Variants in ARHGEF4 observed in about 807,000 individuals in gnomAD.
The protein encoded by ARHGEF4 is Rho guanine nucleotide exchange factor 4.
In ARHGEF4, 119 loss-of-function variants were observed where a neutral mutation model predicts 162.0. The observed-to-expected ratio is 0.73, with a 90% CI of 0.63 to 0.86. The LOEUF is 0.86. Among genes scored for constraint, ARHGEF4 ranks in the 40% least tolerant of loss-of-function variants. ARHGEF4 has a pLI of 0.00. For missense variants in ARHGEF4, 2,488 were observed against 2,456.0 expected, an observed-to-expected ratio of 1.01 and a Z score of -0.28; for synonymous variants, 1,014 against 979.9, an observed-to-expected ratio of 1.03 and a Z score of -0.65.
At chr2:131,041,112 C>G in intron 8 of ARHGEF4, 118 bp from the exon 9 acceptor site, 1 of 938,230 alleles carries the variant, frequency 1.1e-6, no homozygotes, top group Non-Finnish European at 1.6e-6. Flanking sequence ...TGGGTCTCCC[C>G]TAGCCCCCAG....
At chr2:131,037,162 T>C (rs776282915) in intron 5 of ARHGEF4, among the ~76,000 whole-genome samples, 13 of 152,216 alleles carry the variant, frequency 8.5e-5, no homozygotes, top group Non-Finnish European at 1.6e-4. Flanking sequence ...GCTGCCGCGC[T>C]GTGAGGGTTC....
chr2:131,013,483 C>T (rs1231519259), intron 4 of ARHGEF4, among the ~76,000 whole-genome samples: 1 of 152,220 alleles, frequency 6.6e-6, no homozygotes, highest in Admixed American at 6.5e-5. Flanking sequence ...CCCCTGTAAG[C>T]TCAAACGTTA....
intron 3 of ARHGEF4, among the ~76,000 whole-genome samples, chr2:130,931,725 T>C (rs1682646113): frequency 6.6e-6 from 1 of 152,248 alleles, no homozygotes; most frequent in African/African-American, 2.4e-5. Context: ...TTTGACAACA[T>C]GATTTTTTGC....
intron 4 of ARHGEF4, among the ~76,000 whole-genome samples, chr2:131,027,244 A>G (rs1486359539): frequency 3.3e-5 from 5 of 152,244 alleles, no homozygotes; most frequent in African/African-American, 9.6e-5. Flanking sequence ...AATCACAGCT[A>G]CACACACAGT....
intron 1 of ARHGEF4, among the ~76,000 whole-genome samples, chr2:130,885,545 C>A (rs1679462169): frequency 6.7e-6 from 1 of 149,042 alleles, no homozygotes; most frequent in Admixed American, 6.7e-5. Context: ...CAAACCATAG[C>A]ACTCTCTTTT....
rs114057432 is a variant in ARHGEF4 at position 131,046,577 on chromosome 2, G to C, written c.*388G>C. 5.8e-6 allele frequency: 1 copy of C among 171,724 alleles called. No homozygotes were observed. Among genetic ancestry groups the C allele is most frequent in the East Asian group, 1.7e-4 (1 of 6,032 alleles). 10.6% of individuals were successfully genotyped at this position (171,724 alleles called of 1,614,324 possible). On this transcript the variant is annotated 3_prime_UTR_variant, in exon 14 of 14. Coordinates refer to ENST00000409359, the MANE Select transcript of ARHGEF4 (RefSeq NM_001367493.1). ...ACCTAATCCTCCTTTCATTTCCTCT[G>C]GGCAGGACTCTCTGGCCTTCTGTGG... is the stretch of plus-strand genomic sequence containing the variant.
At chr2:130,964,460 C>G (rs758841246) in intron 4 of ARHGEF4, among the ~76,000 whole-genome samples, 3 of 152,232 alleles carry the variant, frequency 2.0e-5, no homozygotes, top group Non-Finnish European at 4.4e-5. Context: ...TCTCTCTGAT[C>G]CACGTCTACC....
chr2:130,915,386 A>T lies in ARHGEF4; in HGVS notation c.1440A>T (p.Pro480=). ...AACCCCAAGGCACCCAACTCGCACCAAGAGCTGCTGATGAGAGAGAGACAC... is the reference window on the plus strand; with the variant it reads ...AACCCCAAGGCACCCAACTCGCACCTAGAGCTGCTGATGAGAGAGAGACAC... ...TQEPQGTQLA[P]RAADERETQK... Residue 480 remains proline, a synonymous_variant, in exon 2 of 14, where the codon CCA becomes CCT. Coordinates refer to ENST00000409359, the MANE Select transcript of ARHGEF4 (RefSeq NM_001367493.1). 6.4e-7 allele frequency: 1 copy of T among 1,550,652 alleles called. No homozygotes were observed. The highest frequency in any genetic ancestry group is 8.7e-7 in the Non-Finnish European group (1 of 1,147,004).
chr2:130,927,601 G>A (rs1002736187), intron 2 of ARHGEF4, among the ~76,000 whole-genome samples: 8 of 152,212 alleles, frequency 5.3e-5, no homozygotes, highest in Admixed American at 3.9e-4. Context: ...CCTTTAGCTA[G>A]AGAATGCAGA....
At chr2:131,026,924 G>C (rs1689514145) in intron 4 of ARHGEF4, among the ~76,000 whole-genome samples, 1 of 152,228 alleles carries the variant, frequency 6.6e-6, no homozygotes, top group Non-Finnish European at 1.5e-5. Flanking sequence ...TAGCTATTAT[G>C]ATGGTTTATG....
At chr2:130,948,386 G>A (rs1187327471) in intron 4 of ARHGEF4, among the ~76,000 whole-genome samples, 1 of 152,224 alleles carries the variant, frequency 6.6e-6, no homozygotes, top group African/African-American at 2.4e-5. Context: ...GACAAGTGTT[G>A]AAGAAACTTT....
chr2:131,031,538 G>A (rs1378312486), intron 5 of ARHGEF4, among the ~76,000 whole-genome samples: 1 of 152,242 alleles, frequency 6.6e-6, no homozygotes, highest in East Asian at 1.9e-4. Flanking sequence ...CACAGGCCGT[G>A]TCTGTGTGGG....
At chr2:131,027,870 C>T in intron 4 of ARHGEF4, 75 bp from the exon 5 acceptor site, 7 of 1,568,160 alleles carry the variant, frequency 4.5e-6, no homozygotes, top group Non-Finnish European at 5.2e-6. Context: ...ACCCACTGGG[C>T]TCCTTCTCCA....
chr2:130,909,519 AG>A (rs1314963794), intron 1 of ARHGEF4, among the ~76,000 whole-genome samples: 1 of 152,182 alleles, frequency 6.6e-6, no homozygotes, highest in East Asian at 1.9e-4. Context: ...GGGAGGAGTG[AG>A]GAGAGGCAGA....
rs75295415 is a variant in ARHGEF4 at position 130,873,140 on chromosome 2, G to C, written c.39+36148G>C. On this transcript the variant is annotated intron_variant, in intron 1 of 13. Coordinates refer to ENST00000409359, the MANE Select transcript of ARHGEF4 (RefSeq NM_001367493.1). ...CCGGATTCAAACCCTCCACTCCCTA[G>C]CTGGTGTGACTGGGAAAAGCCACTT... 3.9e-5 allele frequency among the ~76,000 whole-genome samples: 6 copies of C among 152,334 alleles called. No individual in the cohort carries two copies. The East Asian group carries it at 1.2e-3, about 29-fold the overall frequency.
chr2:131,037,168 G>C (rs965943586), intron 5 of ARHGEF4, among the ~76,000 whole-genome samples: 8 of 152,220 alleles, frequency 5.3e-5, no homozygotes, highest in African/African-American at 1.9e-4. Flanking sequence ...GCGCTGTGAG[G>C]GTTCCTGGGC....
chr2:130,941,210 A>ATT (rs70994724), intron 3 of ARHGEF4, among the ~76,000 whole-genome samples: 57,476 of 145,196 alleles, frequency 0.4, 14,185 homozygotes, highest in African/African-American at 0.71. Context: ...TCCATTTATA[A>ATT]TTTTTTTTTT....
In ARHGEF4 at chr2:130,911,828, G is replaced by A. The variant is rs148841145; in HGVS notation, c.40-2158G>A. The stretch of plus-strand genomic sequence containing the variant: ...AGGTAGTGCCCTGGGCAGCGATGCT[G>A]GGCAGGGAGGGCAGAAACGAGCCCA... On this transcript the variant is annotated intron_variant, in intron 1 of 13. Coordinates refer to ENST00000409359, the MANE Select transcript of ARHGEF4 (RefSeq NM_001367493.1). Among the ~76,000 whole-genome samples the A allele has an allele frequency of 3.0e-4, 45 of 152,364 alleles. 2 individuals are homozygous for A. In the East Asian group the frequency reaches 8.5e-3, roughly 29 times the overall value.
chr2:130,960,119 C>A (rs941014513), intron 4 of ARHGEF4, among the ~76,000 whole-genome samples: 3 of 152,034 alleles, frequency 2.0e-5, no homozygotes, highest in African/African-American at 7.3e-5. Flanking sequence ...TTACAGATTG[C>A]ATATACAATG....
Sources: gnomAD v4.1 joint callset for allele counts (sites outside exome capture counted in the v4.1 genomes callset) on GRCh38, gnomAD v4.1.1 for gene constraint, MANE v1.5 for transcripts, NCBI Gene and HGNC (gene_info 2026-07-23, HGNC 2026-07-21) for gene names.